TXN2: variants seen among roughly 807,000 people sequenced by gnomAD.
TXN2 encodes the protein thioredoxin 2.
Under a neutral mutation model 14.6 loss-of-function variants are expected in TXN2, and 12 were observed. That is an observed-to-expected ratio of 0.82 (90% confidence interval 0.53 to 1.33). The LOEUF is 1.33. Among genes scored for constraint, TXN2 ranks in the 40% most tolerant of loss-of-function variants. The probability of loss-of-function intolerance (pLI) is 0.00; values close to 1 mark genes in which losing one functional copy is unlikely to be tolerated. For synonymous variants in TXN2, 89 were observed against 81.0 expected (o/e 1.10, Z -0.53); for missense variants, 173 against 207.7 (o/e 0.83, Z 1.03).
chr22:36,476,881 C>T, intron 2 of TXN2, 25 bp from the exon 3 acceptor site: 1 of 1,614,000 alleles, frequency 6.2e-7, no homozygotes, highest in South Asian at 1.1e-5. Flanking sequence ...AAGGAAGCAT[C>T]CAGTCAGTCA....
chr22:36,481,143 C>T (rs1933493323), intron 1 of TXN2: 1 of 252,068 alleles, frequency 4.0e-6, no homozygotes, highest in African/African-American at 2.2e-5. Flanking sequence ...GACCAAGTAC[C>T]TTACACACAT....
intron 3 of TXN2, among the ~76,000 whole-genome samples, chr22:36,470,706 CAGG>C (rs1179109873): frequency 1.3e-5 from 2 of 151,154 alleles, no homozygotes; most frequent in African/African-American, 4.9e-5. Context: ...GAGGCCAAGG[CAGG>C]AGGACTGCTT....
intron 3 of TXN2, among the ~76,000 whole-genome samples, chr22:36,475,544 C>G (rs1376850809): frequency 3.3e-5 from 5 of 152,212 alleles, no homozygotes; most frequent in African/African-American, 1.2e-4. Flanking sequence ...TGTAACACAG[C>G]CATGCCCATT....
chr22:36,479,485 C>T (rs1249742025), intron 2 of TXN2, among the ~76,000 whole-genome samples: 1 of 152,010 alleles, frequency 6.6e-6, no homozygotes, highest in East Asian at 1.9e-4. Context: ...GTGCCCGCCA[C>T]CACGCCCGAT....
chr22:36,477,475 T>C (rs984365804), intron 2 of TXN2, among the ~76,000 whole-genome samples: 3 of 152,348 alleles, frequency 2.0e-5, no homozygotes, highest in South Asian at 4.1e-4. Flanking sequence ...CCCAAAGTGC[T>C]GGGATTACAG....
Position 36,481,549 on chromosome 22 carries a change from C to T in TXN2, c.-1+15G>A. 8 of 999,212 alleles carry T rather than the reference C, an allele frequency of 8.0e-6. No homozygotes were observed. The highest frequency in any genetic ancestry group is 8.4e-6 in the Non-Finnish European group (7 of 829,064). 61.9% of individuals were successfully genotyped at this position (999,212 alleles called of 1,614,324 possible). A position where few individuals can be genotyped will look rare whatever the true frequency, so the allele number is the denominator to read the frequency against. On this transcript the variant is annotated intron_variant, in intron 1 of 3. Coordinates refer to ENST00000216185, the MANE Select transcript of TXN2 (RefSeq NM_012473.4). ...GCCGCGACACCACCTCGAGCCACCC[C>T]CACAGGGCTCCTACCTCCCTGCAAT...
At chr22:36,478,742 A>C (rs1933438386) in intron 2 of TXN2, among the ~76,000 whole-genome samples, 1 of 151,498 alleles carries the variant, frequency 6.6e-6, no homozygotes, top group African/African-American at 2.4e-5. Context: ...GCGGGAGAGA[A>C]TCACCTGTGG....
In TXN2 at chr22:36,480,978, G is replaced by C. The variant is rs1216125658; in HGVS notation, c.1-141C>G. The C allele has an allele frequency of 4.3e-6, 4 of 926,496 alleles. No individual in the cohort carries two copies. The Admixed American group carries it at 1.5e-4, about 34-fold the overall frequency. 57.4% of individuals were successfully genotyped at this position (926,496 alleles called of 1,614,324 possible). On this transcript the variant is annotated intron_variant, in intron 1 of 3. Coordinates refer to ENST00000216185, the MANE Select transcript of TXN2 (RefSeq NM_012473.4). ...GGAAATCATATGTAAGATTTGTAGC[G>C]TGGAAGTGAGGAAGCAATGAGAATC...
intron 1 of TXN2, chr22:36,481,140 T>G: frequency 3.9e-6 from 1 of 256,336 alleles, no homozygotes; most frequent in Non-Finnish European, 7.5e-6. Flanking sequence ...AAGGACCAAG[T>G]ACCTTACACA....
chr22:36,479,355 G>A (rs1183269872), intron 2 of TXN2, among the ~76,000 whole-genome samples: 2 of 147,214 alleles, frequency 1.4e-5, no homozygotes, highest in African/African-American at 5.0e-5. Context: ...TTTTTGAGAT[G>A]GAGTTTCCCT....
chr22:36,480,936 T>C lies in TXN2; in HGVS notation c.1-99A>G. 10 of 1,322,148 alleles carry C rather than the reference T, an allele frequency of 7.6e-6. No individual in the cohort carries two copies. In the South Asian group the frequency reaches 1.9e-4, roughly 25 times the overall value. 81.9% of individuals were successfully genotyped at this position (1,322,148 alleles called of 1,614,324 possible). A position where few individuals can be genotyped will look rare whatever the true frequency, so the allele number is the denominator to read the frequency against. On this transcript the variant is annotated intron_variant, in intron 1 of 3. Transcript: ENST00000216185. ...ACTCAGGGCTCAGGAAGAGGCAGAG[T>C]TGGAAGCAAAATGCAAGGAAATCAT...
At chr22:36,468,880 GA>G (rs897410887) in intron 3 of TXN2, among the ~76,000 whole-genome samples, 4 of 151,666 alleles carry the variant, frequency 2.6e-5, no homozygotes, top group Non-Finnish European at 5.9e-5. Context: ...TGTCTCTACT[GA>G]AAATACAAAA....
chr22:36,481,403 CAT>C (rs1296227665), intron 1 of TXN2, 159 bp downstream of exon 1: 7 of 170,538 alleles, frequency 4.1e-5, no homozygotes, highest in Non-Finnish European at 9.4e-5. Flanking sequence ...AAAGAAGGGA[CAT>C]GTGTGGAGGG....
chr22:36,474,789 G>T (rs528403946), intron 3 of TXN2, among the ~76,000 whole-genome samples: 1 of 152,098 alleles, frequency 6.6e-6, no homozygotes, highest in Non-Finnish European at 1.5e-5. Context: ...CTCCCAATCC[G>T]GCTGCATTAT....
chr22:36,478,489 CACTT>C (rs761492280), intron 2 of TXN2, among the ~76,000 whole-genome samples: 4 of 152,144 alleles, frequency 2.6e-5, no homozygotes, highest in African/African-American at 7.2e-5. Flanking sequence ...TTATTCTCAG[CACTT>C]ACTTATTTAT....
chr22:36,467,518 C>G lies in TXN2; in HGVS notation c.*286G>C. 2.5e-6 allele frequency: 1 copy of G among 393,468 alleles called. No homozygotes were observed. Among genetic ancestry groups the G allele is most frequent in the East Asian group, 5.2e-5 (1 of 19,320 alleles). The allele number at this position is 393,468 out of a possible 1,614,324, so 24.4% of individuals were successfully genotyped here. A position where few individuals can be genotyped will look rare whatever the true frequency, so the allele number is the denominator to read the frequency against. On this transcript the variant is annotated 3_prime_UTR_variant, in exon 4 of 4. Transcript: ENST00000216185. ...TGACTAGGAACGCTGTGGGCTGGCC[C>G]AGGCTCTCGCCACACATCCTGGGAG...
chr22:36,474,127 G>A (rs1295020224), intron 3 of TXN2, among the ~76,000 whole-genome samples: 1 of 152,236 alleles, frequency 6.6e-6, no homozygotes, highest in Non-Finnish European at 1.5e-5. Flanking sequence ...AAAGCCAGGG[G>A]CATCCAAATG....
chr22:36,478,437 A>T (rs1180896619), intron 2 of TXN2, among the ~76,000 whole-genome samples: 1 of 152,192 alleles, frequency 6.6e-6, no homozygotes, highest in Non-Finnish European at 1.5e-5. Flanking sequence ...GGAGGCCAAG[A>T]CAGTTCCACC....
At chr22:36,470,448 T>G (rs564324362) in intron 3 of TXN2, among the ~76,000 whole-genome samples, 2 of 152,204 alleles carry the variant, frequency 1.3e-5, no homozygotes, top group Non-Finnish European at 2.9e-5. Flanking sequence ...CAAAGGCAGC[T>G]GGAGTGCCTC....
Sources: allele counts gnomAD v4.1 joint callset (sites outside exome capture counted in the v4.1 genomes callset), GRCh38; gene constraint gnomAD v4.1.1; transcripts MANE v1.5; gene names NCBI Gene and HGNC (gene_info 2026-07-23, HGNC 2026-07-21).